The following CEP350 variants were observed in gnomAD, a reference collection of about 807,000 sequenced individuals.
The protein encoded by CEP350 is centrosomal protein 350.
CEP350 carries 126 observed loss-of-function variants against 331.8 expected under a neutral mutation model. The observed-to-expected ratio is 0.38, with a 90% CI of 0.33 to 0.44. The LOEUF (loss-of-function observed/expected upper bound fraction) is 0.44, where lower values mean the gene tolerates loss of function less well. CEP350 is among the 20% of genes least tolerant of loss of function. The pLI is 1.00. For synonymous variants in CEP350, 1,200 were observed against 1,259.5 expected, an observed-to-expected ratio of 0.95 and a Z score of 1.00; for missense variants, 3,406 against 3,634.6, an observed-to-expected ratio of 0.94 and a Z score of 1.62.
intron 30 of CEP350, among the ~76,000 whole-genome samples, chr1:180,083,032 C>G (rs1659668404): frequency 6.6e-6 from 1 of 152,164 alleles, no homozygotes; most frequent in Admixed American, 6.5e-5. Context: ...TTAGACCACA[C>G]TATTAAAAAG....
intron 28 of CEP350, among the ~76,000 whole-genome samples, chr1:180,077,116 A>G (rs757399508): frequency 2.6e-5 from 4 of 152,202 alleles, no homozygotes; most frequent in African/African-American, 4.8e-5. Flanking sequence ...AACTATACAC[A>G]TAGGTAATCC....
intron 11 of CEP350, among the ~76,000 whole-genome samples, 156 bp downstream of exon 11, chr1:180,016,126 C>T (rs1366972587): frequency 6.6e-6 from 1 of 152,194 alleles, no homozygotes; most frequent in Non-Finnish European, 1.5e-5. Context: ...GCATAGTGCA[C>T]ATCTGTACTT....
intron 1 of CEP350, among the ~76,000 whole-genome samples, chr1:179,955,963 C>A (rs1380190818): frequency 6.6e-6 from 1 of 152,142 alleles, no homozygotes; most frequent in Non-Finnish European, 1.5e-5. Context: ...ACCTCCTGCC[C>A]TGTATTTGAA....
chr1:179,981,571 A>G (rs1481480975), intron 1 of CEP350, among the ~76,000 whole-genome samples: 2 of 152,242 alleles, frequency 1.3e-5, no homozygotes, highest in African/African-American at 2.4e-5. Context: ...ATGTATTCTT[A>G]AAGAACAGAC....
In CEP350 at chr1:180,043,124, G is replaced by C; in HGVS notation, c.4431G>C (p.Leu1477=). ...CTTCAGGAGCTCCCCTTGCAATACT[G>C]TATGACCACCAACGGCAGCACCTTC... ...VVASGAPLAI[L]YDHQRQHLPD... is the part of the protein sequence containing the mutation. Residue 1477 remains leucine (L), a synonymous_variant, in exon 20 of 38, where the codon CTG becomes CTC. Coordinates refer to ENST00000367607, the MANE Select transcript of CEP350 (RefSeq NM_014810.5). 6.2e-7 allele frequency: 1 copy of C among 1,613,732 alleles called. No individual in the cohort carries two copies. The highest frequency in any genetic ancestry group is 8.5e-7 in the Non-Finnish European group (1 of 1,179,780).
chr1:180,058,824 A>C (rs1658018787), intron 25 of CEP350, among the ~76,000 whole-genome samples: 1 of 152,164 alleles, frequency 6.6e-6, no homozygotes, highest in Non-Finnish European at 1.5e-5. Context: ...ATGTGCTAAG[A>C]TATTTCTTGC....
intron 17 of CEP350, among the ~76,000 whole-genome samples, chr1:180,040,647 A>T (rs10913923): frequency 0.29 from 43,733 of 150,220 alleles, 6,576 homozygotes; most frequent in African/African-American, 0.32. Context: ...TGAAAAAAAA[A>T]ATATATATAT....
chr1:180,024,576 A>C lies in CEP350; in HGVS notation c.3544A>C (p.Thr1182Pro). The C allele has an allele frequency of 6.2e-7, 1 of 1,608,996 alleles. No individual in the cohort carries two copies. The highest frequency in any genetic ancestry group is 1.1e-5 in the South Asian group (1 of 90,582). The change falls in exon 14 of 38, where the codon ACA (threonine) becomes CCA (proline). Residue 1182 changes from threonine (T) to proline (P), a missense_variant. Around this residue, in one of 5 missense-constraint regions of CEP350, gnomAD observed 1,857 missense variants for 1,909.2 expected, o/e 0.97. Transcript: ENST00000367607. ...SKGKKGKKEK[T>P]EWLDSFTGNV... ...AGGAAAGAAAGGAAAAAAGGAAAAG[A>C]CAGAATGTAAGTGGAATTCCACATG...
At chr1:180,051,011 CCAG>C (rs1657465023) in intron 22 of CEP350, among the ~76,000 whole-genome samples, 1 of 152,136 alleles carries the variant, frequency 6.6e-6, no homozygotes, top group Non-Finnish European at 1.5e-5. Context: ...ACCATACAAT[CCAG>C]CAGTCAAATG....
In CEP350 at chr1:180,098,893, T is replaced by C. The variant is rs965355857; in HGVS notation, c.9097T>C (p.Phe3033Leu). Reference sequence around the variant, plus strand: ...CATAGCAAGTGAAGTACTCAAGTTGTTCAGTCTTAAAAAGGAGCCAAACCA... The same window carrying C: ...CATAGCAAGTGAAGTACTCAAGTTGCTCAGTCTTAAAAAGGAGCCAAACCA... ...SFIASEVLKL[F>L]SLKKEPNHKT... is the part of the protein sequence containing the mutation. The change falls in exon 37 of 38, where the codon TTC becomes CTC. Residue 3033 changes from phenylalanine to leucine, a missense_variant. Physicochemically the swap from Phe to Leu is conservative, Grantham distance 22. Around this residue, in one of 5 missense-constraint regions of CEP350, gnomAD observed 1,415 missense variants for 1,512.3 expected, o/e 0.94. Coordinates refer to ENST00000367607, the MANE Select transcript of CEP350 (RefSeq NM_014810.5). The C allele has an allele frequency of 6.2e-7, 1 of 1,613,584 alleles. No individual in the cohort carries two copies. Among genetic ancestry groups the C allele is most frequent in the African/African-American group, 1.3e-5 (1 of 75,022 alleles).
In CEP350 at chr1:180,031,356, T is replaced by G; in HGVS notation, c.3587T>G (p.Leu1196Arg). ...DSFTGNVQNS[L>R]LDEEKAERGS... The stretch of plus-strand genomic sequence containing the variant: ...TTCACTGGAAATGTTCAGAACTCAC[T>G]TCTTGATGAGGAAAAAGCAGAACGT... The change falls in exon 15 of 38, where the codon CTT becomes CGT. Residue 1196 changes from leucine to arginine, a missense_variant. By Grantham distance (102) the Leu-to-Arg change is moderately radical. Around this residue, in one of 5 missense-constraint regions of CEP350, gnomAD observed 1,857 missense variants for 1,909.2 expected, o/e 0.97. Transcript: ENST00000367607. 1 of 1,607,806 alleles carries G rather than the reference T, an allele frequency of 6.2e-7. No homozygotes were observed. The highest frequency in any genetic ancestry group is 8.5e-7 in the Non-Finnish European group (1 of 1,175,866).
Position 180,020,056 on chromosome 1 carries a change from A to G in CEP350, c.2282A>G (p.His761Arg). 1.2e-6 allele frequency: 2 copies of G among 1,614,032 alleles called. No homozygotes were observed. Among genetic ancestry groups the G allele is most frequent in the East Asian group, 4.5e-5 (2 of 44,878 alleles). ...FAGTAGSLLS[H>R]LLSLEHVGIL... ...GGAACAGCTGGAAGTTTACTCTCCC[A>G]TCTCTTGAGTTTAGAGCATGTAGGA... Residue 761 changes from histidine (H) to arginine (R), a missense_variant, in exon 12 of 38, where the codon CAT becomes CGT. By Grantham distance (29) the His-to-Arg change is conservative (BLOSUM62 0). Around this residue, in one of 5 missense-constraint regions of CEP350, gnomAD observed 1,857 missense variants for 1,909.2 expected, o/e 0.97. Transcript: ENST00000367607.
chr1:180,013,125 G>A (rs1654760357), intron 9 of CEP350, among the ~76,000 whole-genome samples: 1 of 152,104 alleles, frequency 6.6e-6, no homozygotes, highest in African/African-American at 2.4e-5. Context: ...TGGAAATAGA[G>A]TAAAATACAC....
At chr1:180,055,983 G>T (rs143376720) in intron 25 of CEP350, among the ~76,000 whole-genome samples, 95 of 152,100 alleles carry the variant, frequency 6.2e-4, no homozygotes, top group African/African-American at 2.3e-3. Context: ...TTATAAAATA[G>T]AATAAAAATA....
Position 179,996,860 on chromosome 1 carries a change from A to C in CEP350, c.703A>C (p.Asn235His). ...TAACAGAACAAAAGGAAGTGAGAAT[A>C]ATTTGAAGCTTTCTGTGAATAACAT... The part of the protein sequence containing the change: ...MPNRTKGSEN[N>H]LKLSVNNMAH... Residue 235 changes from asparagine to histidine, a missense_variant, in exon 6 of 38, where the codon AAT becomes CAT. By Grantham distance (68) the Asn-to-His change is moderately conservative. This residue lies in a region of CEP350 where 1,857 missense variants were observed against 1,909.2 expected (regional missense o/e 0.97). Coordinates refer to ENST00000367607, the MANE Select transcript of CEP350 (RefSeq NM_014810.5). 6.2e-7 allele frequency: 1 copy of C among 1,613,874 alleles called. No homozygotes were observed. Among genetic ancestry groups the C allele is most frequent in the Non-Finnish European group, 8.5e-7 (1 of 1,179,764 alleles).
chr1:179,986,173 AT>A lies in CEP350; in HGVS notation c.-7del, dbSNP rs774042805. On this transcript the variant is annotated 5_prime_UTR_variant, in exon 2 of 38. It adds an upstream start codon to the 5' untranslated region. Transcript: ENST00000367607. ...TGAATACTGATGTGATTGCAGGTAA[AT>A]TGGCAGGATGAGGAGCAGCAAATCA... The A allele has an allele frequency of 6.5e-7, 1 of 1,550,336 alleles. No individual in the cohort carries two copies. The highest frequency in any genetic ancestry group is 2.4e-5 in the East Asian group (1 of 40,908).
In CEP350 at chr1:179,996,829, A is replaced by C; in HGVS notation, c.672A>C (p.Glu224Asp). ...RMGASMRTEE[E>D]MPNRTKGSEN... The stretch of plus-strand genomic sequence containing the variant: ...GAGCTTCTATGAGAACTGAGGAAGA[A>C]ATGCCTAACAGAACAAAAGGAAGTG... Residue 224 changes from glutamate (E) to aspartate (D), a missense_variant, in exon 6 of 38, where the codon GAA (glutamate) becomes GAC (aspartate). Glu to Asp is a conservative substitution (Grantham distance 45). Transcript: ENST00000367607. 6.2e-7 allele frequency: 1 copy of C among 1,613,794 alleles called. No homozygotes were observed. The highest frequency in any genetic ancestry group is 8.5e-7 in the Non-Finnish European group (1 of 1,179,730).
chr1:180,018,196 T>G (rs1462547219), intron 11 of CEP350, among the ~76,000 whole-genome samples: 1 of 152,034 alleles, frequency 6.6e-6, no homozygotes, highest in African/African-American at 2.4e-5. Flanking sequence ...TTTATTTTTT[T>G]GGAGATGAGG....
intron 36 of CEP350, among the ~76,000 whole-genome samples, chr1:180,097,958 T>C (rs1287836775): frequency 6.6e-6 from 1 of 152,070 alleles, no homozygotes; most frequent in Non-Finnish European, 1.5e-5. Flanking sequence ...CTAATGGTAG[T>C]TTTGTTGTTG....
Sources: gnomAD v4.1 joint callset for allele counts (sites outside exome capture counted in the v4.1 genomes callset) on GRCh38, gnomAD v4.1.1 for gene constraint, gnomAD v4.1.1 regional missense constraint, MANE v1.5 for transcripts, NCBI Gene and HGNC (gene_info 2026-07-23, HGNC 2026-07-21) for gene names.